Variants in PADI2 observed in about 807,000 individuals in gnomAD.
PADI2 encodes protein-arginine deiminase type-2.
Under a neutral mutation model 81.1 loss-of-function variants are expected in PADI2, and 70 were observed. The observed-to-expected ratio is 0.86, with a 90% CI of 0.71 to 1.05. The LOEUF (loss-of-function observed/expected upper bound fraction) is 1.05, where lower values mean the gene tolerates loss of function less well. Among genes scored for constraint, PADI2 ranks in the 50% least tolerant of loss-of-function variants. The pLI is 0.00. For missense variants in PADI2, 853 were observed against 889.9 expected (o/e 0.96, Z 0.53); for synonymous variants, 338 against 358.0 (o/e 0.94, Z 0.63).
chr1:17,070,365 C>T, intron 14 of PADI2, 149 bp from the exon 15 acceptor site: 1 of 887,584 alleles, frequency 1.1e-6, no homozygotes, highest in Non-Finnish European at 1.7e-6. Context: ...TGCAGCCTCT[C>T]CCTGGCCCTG....
At chr1:17,113,039 G>A (rs1931640309) in intron 1 of PADI2, among the ~76,000 whole-genome samples, 1 of 152,010 alleles carries the variant, frequency 6.6e-6, no homozygotes, top group East Asian at 1.9e-4. Flanking sequence ...CAGCTCAGTT[G>A]CCACCTCTTC....
rs1318644783 is a variant in PADI2, at chr1:17,079,283, T to A, written c.1291A>T (p.Ile431Phe). 1.9e-6 allele frequency: 3 copies of A among 1,613,008 alleles called. No individual in the cohort carries two copies. The highest frequency in any genetic ancestry group is 1.3e-5 in the African/African-American group (1 of 74,882). The part of the protein sequence containing the change: ...GKTYPLGRIL[I>F]GSSFPLSGGR... ...TCTTACAGAGGAAAGCTGCTCCCGA[T>A]GAGGATGCGGCCAAGCGGGTATGTC... The change falls in exon 11 of 16, where the codon ATC (isoleucine) becomes TTC (phenylalanine). Residue 431 changes from isoleucine (I) to phenylalanine (F), a missense_variant. By Grantham distance (21) the Ile-to-Phe change is conservative. Transcript: ENST00000375486.
At chr1:17,082,737 ACAAAGGAAGAAGAAC>A (rs2078353836) in intron 9 of PADI2, 85 bp from the exon 10 acceptor site, 2 of 788,494 alleles carry the variant, frequency 2.5e-6, no homozygotes, top group Admixed American at 4.7e-5. Context: ...ACACAAGAGC[ACAAAGGAAGAAGAAC>A]GTCTGTCTTG....
chr1:17,110,722 C>A (rs1372736036), intron 1 of PADI2, among the ~76,000 whole-genome samples: 1 of 152,224 alleles, frequency 6.6e-6, no homozygotes, highest in African/African-American at 2.4e-5. Context: ...GTTCCTTTTA[C>A]CAGCAAGACT....
intron 6 of PADI2, among the ~76,000 whole-genome samples, chr1:17,090,274 C>G (rs995953333): frequency 1.3e-5 from 2 of 152,230 alleles, no homozygotes; most frequent in African/African-American, 4.8e-5. Flanking sequence ...CACCACGATC[C>G]GGGACACCCG....
chr1:17,069,415 A>G (rs1183206025), intron 15 of PADI2, 138 bp from the exon 16 acceptor site: 2 of 676,472 alleles, frequency 3.0e-6, no homozygotes, highest in Non-Finnish European at 5.1e-6. Context: ...GAGTGGGGCT[A>G]AGTCACTCAC....
chr1:17,089,009 G>A (rs1455120227), intron 6 of PADI2, among the ~76,000 whole-genome samples: 3 of 149,824 alleles, frequency 2.0e-5, no homozygotes, highest in African/African-American at 4.9e-5. Context: ...TGATACCCAC[G>A]CCACAGGTTC....
intron 1 of PADI2, among the ~76,000 whole-genome samples, chr1:17,114,697 G>A (rs1485356238): frequency 1.3e-5 from 2 of 152,032 alleles, no homozygotes; most frequent in Non-Finnish European, 2.9e-5. Context: ...TCAGGGTAGG[G>A]CACCACGACA....
intron 4 of PADI2, among the ~76,000 whole-genome samples, chr1:17,094,616 G>A (rs1274064874): frequency 6.6e-6 from 1 of 152,218 alleles, no homozygotes; most frequent in Non-Finnish European, 1.5e-5. Flanking sequence ...GGCCAGGGCT[G>A]TGTTTCTCTT....
At chr1:17,104,844 G>A (rs371024463) in intron 2 of PADI2, 34 bp downstream of exon 2, 21 of 1,525,218 alleles carry the variant, frequency 1.4e-5, no homozygotes, top group Admixed American at 3.6e-5. Context: ...GCATGGTCCC[G>A]GGCCCGCAGA....
intron 3 of PADI2, among the ~76,000 whole-genome samples, chr1:17,102,755 G>GGT (rs1553183551): frequency 2.0e-5 from 3 of 151,468 alleles, no homozygotes; most frequent in East Asian, 1.9e-4. Flanking sequence ...GACACTTGGG[G>GGT]GGGGGTTGCT....
intron 2 of PADI2, among the ~76,000 whole-genome samples, chr1:17,103,895 G>A (rs1194750674): frequency 6.6e-6 from 1 of 151,678 alleles, no homozygotes; most frequent in Non-Finnish European, 1.5e-5. Context: ...GGGGCAGGAG[G>A]ACTGCTTGAA....
Position 17,082,617 on chromosome 1 carries a change from AT to A in PADI2, c.1085del (p.His362LeufsTer16). 1 of 1,610,968 alleles carries A rather than the reference AT, an allele frequency of 6.2e-7. No individual in the cohort carries two copies. Among genetic ancestry groups the A allele is most frequent in the African/African-American group, 1.3e-5 (1 of 74,716 alleles). On this transcript the variant is annotated frameshift_variant, in exon 10 of 16. Transcript: ENST00000375486. LOFTEE classifies it high-confidence loss of function. ...EIEFGYIEAP[H>X]KGFPVVLDSP... ...AGTCCAGCACCACGGGGAAGCCTTT[AT>A]GGGGGGCCTCGATGTAGCCAAACTC... is the stretch of plus-strand genomic sequence containing the variant.
Position 17,068,946 on chromosome 1 carries a change from G to C in PADI2, c.*98C>G. ...CACCCCACGTCCCAAAGGTCTCCCA[G>C]CGGGGCTGTCCAGTCCATGTCAGCA... On this transcript the variant is annotated 3_prime_UTR_variant, in exon 16 of 16. Transcript: ENST00000375486. 1 of 941,288 alleles carries C rather than the reference G, an allele frequency of 1.1e-6. No individual in the cohort carries two copies. Among genetic ancestry groups the C allele is most frequent in the Non-Finnish European group, 1.7e-6 (1 of 582,398 alleles). The allele number at this position is 941,288 out of a possible 1,614,324, so 58.3% of individuals were successfully genotyped here.
In PADI2 at chr1:17,119,111, C is replaced by T. The variant is rs1931854311; in HGVS notation, c.92+169G>A. 6.6e-6 allele frequency among the ~76,000 whole-genome samples: 1 copy of T among 151,410 alleles called. No homozygotes were observed. The highest frequency in any genetic ancestry group is 1.5e-5 in the Non-Finnish European group (1 of 67,880). On this transcript the variant is annotated intron_variant, in intron 1 of 15. Coordinates refer to ENST00000375486, the MANE Select transcript of PADI2 (RefSeq NM_007365.3). This position sits in a 1 kb window ranked among gnomAD's most constrained non-coding sequence, Gnocchi z 4.8. ...GTTTCTGGAAGGTGGACACAAGGTTCGGGGGTTGTCAGGTTTCTGGATGAG... is the reference window on the plus strand; with the variant it reads ...GTTTCTGGAAGGTGGACACAAGGTTTGGGGGTTGTCAGGTTTCTGGATGAG...
rs2078227761 is a variant in PADI2, at chr1:17,067,122, T to TCCCCCTGGC, written c.*1921_*1922insGCCAGGGGG. Reference sequence around the variant, plus strand: ...TCAGAAACATCAGAAATTACCGACATCATTGGGGAAAGCCTTAGAAAAATC... The same window carrying TCCCCCTGGC: ...TCAGAAACATCAGAAATTACCGACATCCCCCTGGCCATTGGGGAAAGCCTTAGAAAAATC... On this transcript the variant is annotated 3_prime_UTR_variant, in exon 16 of 16. Coordinates refer to ENST00000375486, the MANE Select transcript of PADI2 (RefSeq NM_007365.3). The TCCCCCTGGC allele has an allele frequency of 6.8e-6, 1 of 147,874 alleles. No homozygotes were observed. Among genetic ancestry groups the TCCCCCTGGC allele is most frequent in the Non-Finnish European group, 1.5e-5 (1 of 67,566 alleles). The allele number at this position is 147,874 out of a possible 1,614,324, so 9.2% of individuals were successfully genotyped here.
intron 12 of PADI2, 129 bp downstream of exon 12, chr1:17,075,550 A>T: frequency 1.2e-6 from 1 of 844,752 alleles, no homozygotes; most frequent in Non-Finnish European, 1.8e-6. Flanking sequence ...CATGCAAACC[A>T]GCTTCAGCCT....
chr1:17,107,455 C>T (rs1306256422), intron 1 of PADI2, among the ~76,000 whole-genome samples: 5 of 152,154 alleles, frequency 3.3e-5, no homozygotes, highest in African/African-American at 4.8e-5. Flanking sequence ...GTGTCTGGGG[C>T]GGCGGCACCT....
intron 1 of PADI2, among the ~76,000 whole-genome samples, chr1:17,110,685 C>T (rs1020166885): frequency 6.6e-6 from 1 of 152,214 alleles, no homozygotes; most frequent in Admixed American, 6.5e-5. Flanking sequence ...TGCATTGTTC[C>T]ATCTACTGTG....
Sources: allele counts gnomAD v4.1 joint callset (sites outside exome capture counted in the v4.1 genomes callset), GRCh38; gene constraint gnomAD v4.1.1; non-coding constraint Gnocchi (gnomAD v3.1); transcripts MANE v1.5; gene names NCBI Gene and HGNC (gene_info 2026-07-23, HGNC 2026-07-21).